CCDC178: variants seen among roughly 807,000 people sequenced by gnomAD.
The protein encoded by CCDC178 is coiled-coil domain-containing protein 178.
CCDC178 carries 126 observed loss-of-function variants against 117.4 expected under a neutral mutation model. That is an observed-to-expected ratio of 1.07 (90% confidence interval 0.93 to 1.24). The LOEUF (loss-of-function observed/expected upper bound fraction) is 1.24, where lower values mean the gene tolerates loss of function less well. Ranked by LOEUF, CCDC178 falls within the 50% of genes most tolerant of loss-of-function variation. The pLI, the probability that CCDC178 is intolerant of heterozygous loss-of-function variation, is 0.00. For missense variants in CCDC178, 1,030 were observed against 986.9 expected, an observed-to-expected ratio of 1.04 and a Z score of -0.59; for synonymous variants, 283 against 313.4, an observed-to-expected ratio of 0.90 and a Z score of 1.02.
chr18:33,349,020 T>C (rs769924483), intron 7 of CCDC178, 45 bp from the exon 8 acceptor site: 70 of 1,248,318 alleles, frequency 5.6e-5, no homozygotes, highest in Middle Eastern at 2.3e-4. Flanking sequence ...TACTTAAAGT[T>C]AGTAAAACAA....
intron 5 of CCDC178, among the ~76,000 whole-genome samples, chr18:33,381,789 C>T (rs2063441660): frequency 6.6e-6 from 1 of 151,982 alleles, no homozygotes; most frequent in Non-Finnish European, 1.5e-5. Flanking sequence ...CGCTGATACA[C>T]TATGTAACTA....
chr18:32,974,441 TATA>T (rs1598745385), intron 22 of CCDC178, 103 bp downstream of exon 22: 28 of 1,102,606 alleles, frequency 2.5e-5, no homozygotes, highest in Non-Finnish European at 3.2e-5. Context: ...GTTAAAAATT[TATA>T]AAACTCTGAT....
intron 20 of CCDC178, among the ~76,000 whole-genome samples, chr18:33,130,377 C>A (rs1232888401): frequency 6.6e-6 from 1 of 151,954 alleles, no homozygotes; most frequent in Non-Finnish European, 1.5e-5. Flanking sequence ...CATTTTATTG[C>A]AACCTTATGT....
intron 20 of CCDC178, among the ~76,000 whole-genome samples, chr18:33,188,326 T>C (rs187482207): frequency 4.6e-5 from 7 of 152,262 alleles, no homozygotes; most frequent in Admixed American, 4.6e-4. Flanking sequence ...CTTAGGCTTA[T>C]TCAAACTCTA....
At chr18:32,942,984 A>G (rs1330314262) in intron 22 of CCDC178, among the ~76,000 whole-genome samples, 1 of 152,166 alleles carries the variant, frequency 6.6e-6, no homozygotes, top group Non-Finnish European at 1.5e-5. Context: ...TTTAACTGGT[A>G]TTTCAAATAT....
intron 20 of CCDC178, 151 bp downstream of exon 20, chr18:33,211,745 A>C (rs1454527688): frequency 3.4e-6 from 2 of 591,122 alleles, no homozygotes; most frequent in Non-Finnish European, 5.7e-6. Flanking sequence ...TAGAAGAAAC[A>C]ATGAAAACTT....
In CCDC178 at chr18:32,938,062, G is replaced by C. The variant is rs753627130; in HGVS notation, c.2553C>G (p.Ile851Met). 1 of 1,613,642 alleles carries C rather than the reference G, an allele frequency of 6.2e-7. No homozygotes were observed. The highest frequency in any genetic ancestry group is 8.5e-7 in the Non-Finnish European group (1 of 1,179,654). The change falls in exon 23 of 23, where the codon ATC becomes ATG. Residue 851 changes from isoleucine to methionine, a missense_variant. By Grantham distance (10) the Ile-to-Met change is conservative. Transcript: ENST00000383096. Reference protein sequence around the residue: ...QEESSNLMQHILGFFQTLTDG... With the variant: ...QEESSNLMQHMLGFFQTLTDG... ...CTGTCAAAGTCTGGAAGAAACCTAA[G>C]ATGTGTTGCATTAAATTTGAAGATT... is the stretch of plus-strand genomic sequence containing the variant.
chr18:33,107,949 A>G (rs1429562171), intron 20 of CCDC178, among the ~76,000 whole-genome samples: 1 of 151,670 alleles, frequency 6.6e-6, no homozygotes, highest in Non-Finnish European at 1.5e-5. Flanking sequence ...TGAAAGATAA[A>G]ATTTTTTGAG....
intron 21 of CCDC178, among the ~76,000 whole-genome samples, chr18:33,051,948 G>A (rs901261230): frequency 6.6e-6 from 1 of 152,100 alleles, no homozygotes; most frequent in African/African-American, 2.4e-5. Flanking sequence ...TGATTTTGAA[G>A]GTGACAGAGG....
intron 11 of CCDC178, among the ~76,000 whole-genome samples, chr18:33,310,124 G>C (rs2062318406): frequency 6.6e-6 from 1 of 152,044 alleles, no homozygotes; most frequent in East Asian, 1.9e-4. Flanking sequence ...ACCATGCCTG[G>C]CTAATTTTTG....
At chr18:33,118,242 T>G (rs984761327) in intron 20 of CCDC178, among the ~76,000 whole-genome samples, 2 of 152,004 alleles carry the variant, frequency 1.3e-5, no homozygotes, top group African/African-American at 4.8e-5. Context: ...CAATGCCTCC[T>G]AGTTGGGGCA....
intron 7 of CCDC178, among the ~76,000 whole-genome samples, chr18:33,351,496 TA>T (rs1368625603): frequency 6.6e-6 from 1 of 151,648 alleles, no homozygotes; most frequent in Non-Finnish European, 1.5e-5. Context: ...CCCGGCCGTA[TA>T]ATTATATTAA....
chr18:33,405,671 T>C (rs1430762607), intron 3 of CCDC178, among the ~76,000 whole-genome samples: 2 of 152,066 alleles, frequency 1.3e-5, no homozygotes, highest in Admixed American at 6.6e-5. Context: ...AAAGAATATA[T>C]TTCCTGGGAT....
chr18:33,313,153 C>T (rs191327792), intron 11 of CCDC178, among the ~76,000 whole-genome samples: 14 of 152,230 alleles, frequency 9.2e-5, no homozygotes, highest in Middle Eastern at 3.4e-3. Context: ...TACAATAGTT[C>T]CAGGTACACC....
chr18:33,350,502 T>G (rs1015569246), intron 7 of CCDC178, among the ~76,000 whole-genome samples: 1 of 152,184 alleles, frequency 6.6e-6, no homozygotes. Context: ...TGAACTTTCA[T>G]GAATATTTTA....
Position 33,388,612 on chromosome 18 carries a change from C to T in CCDC178, c.208+928G>A, listed in dbSNP as rs1344319784. ...TCGGCTCACTGCAAGCTCCGCCTCCCGGGTTCACGCCATTCTCCTGCCTCA... is the reference window on the plus strand; with the variant it reads ...TCGGCTCACTGCAAGCTCCGCCTCCTGGGTTCACGCCATTCTCCTGCCTCA... On this transcript the variant is annotated intron_variant, in intron 5 of 22. Transcript: ENST00000383096. 1.5e-4 allele frequency among the ~76,000 whole-genome samples: 18 copies of T among 122,354 alleles called. No individual in the cohort carries two copies. In the East Asian group the frequency reaches 1.6e-3, roughly 11 times the overall value. The allele number at this position is 122,354 out of a possible 152,430, so 80.3% of individuals were successfully genotyped here.
intron 11 of CCDC178, among the ~76,000 whole-genome samples, chr18:33,296,135 C>A (rs1362991670): frequency 6.6e-6 from 1 of 152,030 alleles, no homozygotes; most frequent in Non-Finnish European, 1.5e-5. Flanking sequence ...CCTTCAACAA[C>A]CCAGATTGTT....
At chr18:33,305,197 T>C (rs1053799284) in intron 11 of CCDC178, among the ~76,000 whole-genome samples, 1 of 152,212 alleles carries the variant, frequency 6.6e-6, no homozygotes, top group African/African-American at 2.4e-5. Context: ...ATAGACCCAG[T>C]AACTGGCATG....
At position 33,066,374 on chromosome 18, in the gene CCDC178, A is replaced by G. The variant is rs1353809415; in HGVS notation, c.2388+26387T>C. Among the ~76,000 whole-genome samples, 4 of 152,298 alleles carry G rather than the reference A, an allele frequency of 2.6e-5. No individual in the cohort carries two copies. The East Asian group carries it at 5.8e-4, about 22-fold the overall frequency. ...AAGAAAGAGAAACGACTCAAATGTA[A>G]TCACTACAAAACCCACAAATTGTAA... On this transcript the variant is annotated intron_variant, in intron 21 of 22. Coordinates refer to ENST00000383096, the MANE Select transcript of CCDC178 (RefSeq NM_001105528.4).
Sources: gnomAD v4.1 joint callset for allele counts (sites outside exome capture counted in the v4.1 genomes callset) on GRCh38, gnomAD v4.1.1 for gene constraint, MANE v1.5 for transcripts, NCBI Gene and HGNC (gene_info 2026-07-23, HGNC 2026-07-21) for gene names.